NSUN4: variants seen among roughly 807,000 people sequenced by gnomAD.
The protein encoded by NSUN4 is 5-cytosine rRNA methyltransferase NSUN4.
NSUN4 carries 31 observed loss-of-function variants against 43.8 expected under a neutral mutation model. That is an observed-to-expected ratio of 0.71 (90% CI 0.53 to 0.96). NSUN4 has a LOEUF of 0.96. NSUN4 is among the 40% of genes least tolerant of loss of function. The pLI is 0.00. For missense variants in NSUN4, 439 were observed against 475.6 expected (o/e 0.92, Z 0.72); for synonymous variants, 167 against 184.1 (o/e 0.91, Z 0.75).
intron 4 of NSUN4, among the ~76,000 whole-genome samples, chr1:46,355,502 A>G (rs1330350561): frequency 6.6e-6 from 1 of 152,232 alleles, no homozygotes; most frequent in Non-Finnish European, 1.5e-5. Flanking sequence ...TATAGTGCCT[A>G]TCCCGTAGGT....
intron 3 of NSUN4, among the ~76,000 whole-genome samples, chr1:46,348,826 T>TTTTG (rs954491895): frequency 1.2e-4 from 18 of 144,744 alleles, no homozygotes; most frequent in African/African-American, 3.1e-4. Flanking sequence ...TTTTTTTTTT[T>TTTTG]TTTTTTGAGA....
rs1428135483 is a variant in NSUN4 at position 46,361,981 on chromosome 1, G to A, written c.*135G>A. ...CTGTTCGTGTCTTTCTGCAGTTTTCGGCAATAAGAAGTAGAAGATTTGCTG... is the reference window on the plus strand; with the variant it reads ...CTGTTCGTGTCTTTCTGCAGTTTTCAGCAATAAGAAGTAGAAGATTTGCTG... On this transcript the variant is annotated 3_prime_UTR_variant, in exon 6 of 6. Coordinates refer to ENST00000474844, the MANE Select transcript of NSUN4 (RefSeq NM_199044.4). 3 of 817,490 alleles carry A rather than the reference G, an allele frequency of 3.7e-6. No individual in the cohort carries two copies. The highest frequency in any genetic ancestry group is 2.8e-5 in the Admixed American group (1 of 35,210). 50.6% of individuals were successfully genotyped at this position (817,490 alleles called of 1,614,324 possible).
rs1021232449 is a variant in NSUN4, at chr1:46,352,717, A to G, written c.593-151A>G. 22 of 719,776 alleles carry G rather than the reference A, an allele frequency of 3.1e-5. No individual in the cohort carries two copies. The Admixed American group carries it at 4.4e-4, about 14-fold the overall frequency. The allele number at this position is 719,776 out of a possible 1,614,324, so 44.6% of individuals were successfully genotyped here. On this transcript the variant is annotated intron_variant, in intron 3 of 5. Coordinates refer to ENST00000474844, the MANE Select transcript of NSUN4 (RefSeq NM_199044.4). ...TGCCATTGTACCCCCACTCAGAATGACTGATGCTGTGCCATGCACATAATA... is the reference window on the plus strand; with the variant it reads ...TGCCATTGTACCCCCACTCAGAATGGCTGATGCTGTGCCATGCACATAATA...
At chr1:46,341,328 T>C (rs1662088672) in intron 1 of NSUN4, 1 of 993,566 alleles carries the variant, frequency 1.0e-6, no homozygotes, top group African/African-American at 1.8e-5. Context: ...TCCAGCCCGG[T>C]CGCCCTCACC....
the NSUN4 span, among the ~76,000 whole-genome samples, chr1:46,374,289 C>CAAAA: frequency 0.029 from 1,225 of 42,876 alleles, 117 homozygotes; most frequent in African/African-American, 0.11. Context: ...TCTGTCTCAC[C>CAAAA]AAAAAAAAAA....
In NSUN4 at chr1:46,352,877, C is replaced by A; in HGVS notation, c.602C>A (p.Ala201Asp). 6.2e-7 allele frequency: 1 copy of A among 1,613,942 alleles called. No individual in the cohort carries two copies. The highest frequency in any genetic ancestry group is 1.1e-5 in the South Asian group (1 of 91,082). The change falls in exon 4 of 6, where the codon GCT becomes GAT. Residue 201 changes from alanine to aspartate, a missense_variant. By Grantham distance (126) the Ala-to-Asp change is moderately radical (BLOSUM62 -2). Coordinates refer to ENST00000474844, the MANE Select transcript of NSUN4 (RefSeq NM_199044.4). ...ATCTTTATTTCCATAGGCAATCTTG[C>A]TGCCAATGATCTCTCCCCGTCCCGA... ...LLQTGCCRNL[A>D]ANDLSPSRIA...
the NSUN4 span, among the ~76,000 whole-genome samples, chr1:46,374,475 G>A: frequency 6.6e-6 from 1 of 151,662 alleles, no homozygotes; most frequent in East Asian, 1.9e-4. Flanking sequence ...TGGGCATGGT[G>A]GTGAGCTCCT....
At chr1:46,341,022 C>T (rs761833317) in intron 1 of NSUN4, 103 bp downstream of exon 1, 2 of 1,217,012 alleles carry the variant, frequency 1.6e-6, no homozygotes, top group Non-Finnish European at 2.3e-6. Context: ...TTCCCAAGCA[C>T]TCCACGGAAC....
chr1:46,374,534 A>G, the NSUN4 span, among the ~76,000 whole-genome samples: 2 of 152,024 alleles, frequency 1.3e-5, no homozygotes, highest in African/African-American at 4.8e-5. Flanking sequence ...GCTTGAATCC[A>G]GGAGGCAGAG....
At chr1:46,354,756 G>A (rs186557692) in intron 4 of NSUN4, among the ~76,000 whole-genome samples, 1 of 152,154 alleles carries the variant, frequency 6.6e-6, no homozygotes, top group Admixed American at 6.6e-5. Context: ...CTGGGTTCAA[G>A]CCTGGGTTCA....
In NSUN4 at chr1:46,362,138, A is replaced by G; in HGVS notation, c.*292A>G. 6.8e-6 allele frequency: 3 copies of G among 440,956 alleles called. No individual in the cohort carries two copies. The highest frequency in any genetic ancestry group is 2.8e-5 in the South Asian group (1 of 36,254). 27.3% of individuals were successfully genotyped at this position (440,956 alleles called of 1,614,324 possible). The stretch of plus-strand genomic sequence containing the variant: ...AGGAGAAGCCAGTGAGCAGGCTCAC[A>G]CTAAGTTGTAAACATAGGAGAAGCA... On this transcript the variant is annotated 3_prime_UTR_variant, in exon 6 of 6. Transcript: ENST00000474844.
downstream of NSUN4, among the ~76,000 whole-genome samples, chr1:46,369,547 T>C (rs1220223634): frequency 1.3e-5 from 2 of 152,164 alleles, no homozygotes; most frequent in African/African-American, 2.4e-5. Context: ...AAAGTGCATA[T>C]ACCTGAGGGA....
chr1:46,351,484 A>C (rs1237821252), intron 3 of NSUN4, among the ~76,000 whole-genome samples: 1 of 152,082 alleles, frequency 6.6e-6, no homozygotes, highest in Non-Finnish European at 1.5e-5. Flanking sequence ...CCAAAGATGA[A>C]GAGAGCCATA....
chr1:46,379,663 A>G, the NSUN4 span, among the ~76,000 whole-genome samples: 3 of 152,166 alleles, frequency 2.0e-5, no homozygotes, highest in Non-Finnish European at 2.9e-5. Context: ...CAACTTGAGA[A>G]TGGGTAATTT....
downstream of NSUN4, among the ~76,000 whole-genome samples, chr1:46,369,062 C>A (rs545617159): frequency 1.6e-4 from 25 of 152,180 alleles, no homozygotes; most frequent in Non-Finnish European, 2.8e-4. Context: ...TGGGTCAGGA[C>A]AAATTGTCTC....
chr1:46,381,202 A>T, the NSUN4 span, among the ~76,000 whole-genome samples: 1 of 152,212 alleles, frequency 6.6e-6, no homozygotes, highest in South Asian at 2.1e-4. Context: ...CATTTCCACC[A>T]AAGCCTGTCT....
In NSUN4 at chr1:46,361,847, T is replaced by C. The variant is rs767481548; in HGVS notation, c.*1T>C. The C allele has an allele frequency of 6.2e-7, 1 of 1,613,016 alleles. No homozygotes were observed. The highest frequency in any genetic ancestry group is 8.5e-7 in the Non-Finnish European group (1 of 1,179,276). Reference sequence around the variant, plus strand: ...CTGCAAAATGCGTAGGCTGACATAGTATCACCCAATCCCTGAAGCAAGAAT... The same window carrying C: ...CTGCAAAATGCGTAGGCTGACATAGCATCACCCAATCCCTGAAGCAAGAAT... On this transcript the variant is annotated 3_prime_UTR_variant, in exon 6 of 6. Transcript: ENST00000474844.
At chr1:46,341,227 T>G in intron 1 of NSUN4, 1 of 1,101,014 alleles carries the variant, frequency 9.1e-7, no homozygotes, top group Non-Finnish European at 1.1e-6. Flanking sequence ...TACCTTTCTG[T>G]CCCCCACTCC....
chr1:46,353,813 T>C (rs1663178223), intron 4 of NSUN4, among the ~76,000 whole-genome samples: 1 of 152,044 alleles, frequency 6.6e-6, no homozygotes, highest in South Asian at 2.1e-4. Context: ...TTCTGAACTT[T>C]GTATTTTTTT....
Sources: allele counts gnomAD v4.1 joint callset (sites outside exome capture counted in the v4.1 genomes callset), GRCh38; gene constraint gnomAD v4.1.1; transcripts MANE v1.5; gene names NCBI Gene and HGNC (gene_info 2026-07-23, HGNC 2026-07-21).